The following MAP3K13 variants were observed in gnomAD, a reference collection of about 807,000 sequenced individuals.
The protein encoded by MAP3K13 is mitogen-activated protein kinase kinase kinase 13.
MAP3K13 carries 52 observed loss-of-function variants against 104.0 expected under a neutral mutation model. The observed-to-expected ratio is 0.50, with a 90% CI of 0.40 to 0.63. The LOEUF (loss-of-function observed/expected upper bound fraction) is 0.63. Among genes scored for constraint, MAP3K13 ranks in the 20% least tolerant of loss-of-function variants. The pLI, the probability that MAP3K13 is intolerant of heterozygous loss-of-function variation, is 0.00. For missense variants in MAP3K13, 914 were observed against 1,218.5 expected (o/e 0.75, Z 3.72); for synonymous variants, 394 against 442.2 (o/e 0.89, Z 1.37).
At chr3:185,328,176 C>G (rs766292486) in intron 2 of MAP3K13, among the ~76,000 whole-genome samples, 18 of 152,180 alleles carry the variant, frequency 1.2e-4, no homozygotes, top group Middle Eastern at 3.4e-3. Context: ...TCAGAAAATA[C>G]TACGTTTACC....
chr3:185,291,913 A>G (rs1425722144), intron 2 of MAP3K13: 5 of 1,179,930 alleles, frequency 4.2e-6, no homozygotes, highest in Non-Finnish European at 5.2e-6. Flanking sequence ...CAAAAAAAAA[A>G]AAAAAAAAAA....
At position 185,428,692 on chromosome 3, in the gene MAP3K13, C is replaced by G; in HGVS notation, c.111C>G (p.His37Gln). The change falls in exon 2 of 14, where the codon CAC (histidine) becomes CAG (glutamine). Residue 37 changes from histidine to glutamine, a missense_variant. His to Gln is a conservative substitution (Grantham distance 24). Transcript: ENST00000265026. ...ATGAGCTCACAGCTATGGGGAACCA[C>G]CCTTCTCCCAAGCTGCTCGAGGACC... ...LQDELTAMGN[H>Q]PSPKLLEDQQ... 1 of 1,614,182 alleles carries G rather than the reference C, an allele frequency of 6.2e-7. No homozygotes were observed.
In MAP3K13 at chr3:185,443,442, A is replaced by G. The variant is rs1235902059; in HGVS notation, c.660-3A>G. 1 of 1,602,162 alleles carries G rather than the reference A, an allele frequency of 6.2e-7. No homozygotes were observed. The highest frequency in any genetic ancestry group is 2.2e-5 in the East Asian group (1 of 44,592). The stretch of plus-strand genomic sequence containing the variant: ...GATGTACATGTTTATGTTTTCTTGG[A>G]AGGGGTGTTTGTACTCAGGCCCCAT... On this transcript the variant is annotated splice_region_variant and splice_polypyrimidine_tract_variant and intron_variant, in intron 3 of 13. Coordinates refer to ENST00000265026, the MANE Select transcript of MAP3K13 (RefSeq NM_004721.5).
At chr3:185,338,633 A>G (rs1413023128) in intron 2 of MAP3K13, among the ~76,000 whole-genome samples, 1 of 152,194 alleles carries the variant, frequency 6.6e-6, no homozygotes, top group Non-Finnish European at 1.5e-5. Flanking sequence ...CCCTATGCCT[A>G]TCAAATTAAT....
chr3:185,296,973 G>A (rs936369862), intron 2 of MAP3K13, among the ~76,000 whole-genome samples: 19 of 152,140 alleles, frequency 1.2e-4, no homozygotes, highest in African/African-American at 4.3e-4. Flanking sequence ...CCTGCACAGT[G>A]GCTAAAGTCA....
chr3:185,342,278 T>C (rs1722749128), intron 2 of MAP3K13, among the ~76,000 whole-genome samples: 1 of 152,194 alleles, frequency 6.6e-6, no homozygotes, highest in Non-Finnish European at 1.5e-5. Context: ...CTTTGAGTTG[T>C]TACGTTTTGG....
At position 185,473,340 on chromosome 3, in the gene MAP3K13, T is replaced by C; in HGVS notation, c.2009T>C (p.Leu670Pro). 1 of 1,614,124 alleles carries C rather than the reference T, an allele frequency of 6.2e-7. No homozygotes were observed. The highest frequency in any genetic ancestry group is 8.5e-7 in the Non-Finnish European group (1 of 1,180,018). ...GQDIATCANN[L>P]RYFGPAAALR... is the part of the protein sequence containing the mutation. The stretch of plus-strand genomic sequence containing the variant: ...GACATAGCAACCTGCGCCAACAACC[T>C]GAGGTATTTCGGCCCAGCAGCAGCC... Residue 670 changes from leucine to proline, a missense_variant, in exon 11 of 14, where the codon CTG becomes CCG. This residue lies in a region of MAP3K13 where 583 missense variants were observed against 737.4 expected (regional missense o/e 0.79). Transcript: ENST00000265026. This position sits in a 1 kb window ranked among gnomAD's most constrained non-coding sequence, Gnocchi z 4.9.
Position 185,447,764 on chromosome 3 carries a change from G to A in MAP3K13, c.852-25G>A, listed in dbSNP as rs1306013694. ...TTTCGTTAGTACTAATGATCCAGAT[G>A]TTTTCTTTTTATTTCTTTTTAAAGT... On this transcript the variant is annotated intron_variant, in intron 4 of 13. Transcript: ENST00000265026. The A allele has an allele frequency of 2.5e-6, 4 of 1,572,490 alleles. No individual in the cohort carries two copies. The South Asian group carries it at 4.7e-5, about 19-fold the overall frequency.
chr3:185,340,937 T>C (rs1224407376), intron 2 of MAP3K13, among the ~76,000 whole-genome samples: 1 of 152,196 alleles, frequency 6.6e-6, no homozygotes, highest in Non-Finnish European at 1.5e-5. Context: ...CATTCTCTGC[T>C]ATTTCTTCAT....
intron 12 of MAP3K13, 74 bp downstream of exon 12, chr3:185,477,470 CT>C: frequency 9.3e-7 from 1 of 1,079,522 alleles, no homozygotes; most frequent in Non-Finnish European, 1.4e-6. Context: ...CACACCTGCT[CT>C]TCAACCACAG....
chr3:185,380,992 T>C (rs1052749206), intron 1 of MAP3K13, among the ~76,000 whole-genome samples: 13 of 150,660 alleles, frequency 8.6e-5, no homozygotes, highest in African/African-American at 2.9e-4. Context: ...AGATGAAGTC[T>C]CGCTCTGTTA....
chr3:185,473,183 C>T lies in MAP3K13; in HGVS notation c.1852C>T (p.Pro618Ser). The change falls in exon 11 of 14, where the codon CCC becomes TCC. Residue 618 changes from proline to serine, a missense_variant. This residue lies in a region of MAP3K13 where 583 missense variants were observed against 737.4 expected (regional missense o/e 0.79). Transcript: ENST00000265026. This position sits in a 1 kb window ranked among gnomAD's most constrained non-coding sequence, Gnocchi z 4.9. ...GCCAGCCCAGGAAAATTCACCCCAT[C>T]CCACTTACCTGCACCAAGCTCAATC... ...NQPAQENSPH[P>S]TYLHQAQSQY... 1 of 1,614,192 alleles carries T rather than the reference C, an allele frequency of 6.2e-7. No homozygotes were observed. The highest frequency in any genetic ancestry group is 8.5e-7 in the Non-Finnish European group (1 of 1,180,024).
rs1342150000 is a variant in MAP3K13, at chr3:185,489,022, T to C, written c.*6566T>C. 1.3e-5 allele frequency: 2 copies of C among 152,212 alleles called. No individual in the cohort carries two copies. The highest frequency in any genetic ancestry group is 2.9e-5 in the Non-Finnish European group (2 of 68,036). The allele number at this position is 152,212 out of a possible 1,614,324, so 9.4% of individuals were successfully genotyped here. On this transcript the variant is annotated 3_prime_UTR_variant, in exon 14 of 14. Coordinates refer to ENST00000265026, the MANE Select transcript of MAP3K13 (RefSeq NM_004721.5). Reference sequence around the variant, plus strand: ...TTCTGATGCCGGCTCCCTCTCTGTATTGAACGGCAATGGGAACAAGAATGA... The same window carrying C: ...TTCTGATGCCGGCTCCCTCTCTGTACTGAACGGCAATGGGAACAAGAATGA...
chr3:185,358,439 A>G (rs1442937901), upstream of MAP3K13, among the ~76,000 whole-genome samples: 1 of 152,210 alleles, frequency 6.6e-6, no homozygotes, highest in Non-Finnish European at 1.5e-5. Flanking sequence ...ATAATTTTTA[A>G]TAAAAGCAAG....
In MAP3K13 at chr3:185,423,966, T is replaced by G. The variant is rs1384447155; in HGVS notation, c.-85-4531T>G. ...AGGTCCATCTCAAATCCTACCTCTT[T>G]TAGCATTGTTCCCATCTCTCTTGGC... On this transcript the variant is annotated intron_variant, in intron 1 of 13. Transcript: ENST00000265026. The surrounding 1 kb of genome is among the most constrained non-coding windows in gnomAD (Gnocchi z 4.1). Among the ~76,000 whole-genome samples the G allele has an allele frequency of 6.6e-6, 1 of 152,190 alleles. No homozygotes were observed. The highest frequency in any genetic ancestry group is 1.5e-5 in the Non-Finnish European group (1 of 68,036).
chr3:185,327,152 A>G lies in MAP3K13; in HGVS notation c.-86+41509A>G, dbSNP rs142140526. Among the ~76,000 whole-genome samples the G allele has an allele frequency of 5.6e-3, 859 of 152,256 alleles. 8 individuals are homozygous for G. The highest frequency in any genetic ancestry group is 0.019 in the African/African-American group (793 of 41,526). On this transcript the variant is annotated intron_variant, in intron 2 of 14. Transcript: ENST00000424227. ...TTTCCTTGCCATTCCTAGCTTCTAG[A>G]GGCCACCTGCAGTCCTCTGAGGCCC...
chr3:185,473,831 A>G lies in MAP3K13; in HGVS notation c.2430+70A>G. 1 of 1,423,862 alleles carries G rather than the reference A, an allele frequency of 7.0e-7. No individual in the cohort carries two copies. Among genetic ancestry groups the G allele is most frequent in the Non-Finnish European group, 9.5e-7 (1 of 1,052,954 alleles). 88.2% of individuals were successfully genotyped at this position (1,423,862 alleles called of 1,614,324 possible). A position where few individuals can be genotyped will look rare whatever the true frequency, so the allele number is the denominator to read the frequency against. The stretch of plus-strand genomic sequence containing the variant: ...AATGCCAGAGCCTGTCATGTTATAC[A>G]CATTAGAGAGCATATGTAAAAAGTA... On this transcript the variant is annotated intron_variant, in intron 11 of 13. Transcript: ENST00000265026. This position sits in a 1 kb window ranked among gnomAD's most constrained non-coding sequence, Gnocchi z 4.9.
chr3:185,454,584 T>TATATA (rs1205001275), intron 7 of MAP3K13, among the ~76,000 whole-genome samples: 56 of 111,040 alleles, frequency 5.0e-4, no homozygotes, highest in East Asian at 1.2e-3. Context: ...GATATATATA[T>TATATA]GATATATAGA....
chr3:185,419,108 C>T (rs1281316154), intron 1 of MAP3K13, among the ~76,000 whole-genome samples: 1 of 151,824 alleles, frequency 6.6e-6, no homozygotes, highest in African/African-American at 2.4e-5. Context: ...CCTCTGCCTC[C>T]CGGGTTAAAG....
Sources: gnomAD v4.1 joint callset for allele counts (sites outside exome capture counted in the v4.1 genomes callset) on GRCh38, gnomAD v4.1.1 for gene constraint, gnomAD v4.1.1 regional missense constraint, Gnocchi (gnomAD v3.1) non-coding constraint, MANE v1.5 for transcripts, NCBI Gene and HGNC (gene_info 2026-07-23, HGNC 2026-07-21) for gene names.